Variants in CDH9 observed in about 807,000 individuals in gnomAD.
CDH9 encodes the protein cadherin 9.
A neutral mutation model predicts 70.9 loss-of-function variants in CDH9; 28 were observed. That is an observed-to-expected ratio of 0.40 (90% CI 0.29 to 0.54). CDH9 has a LOEUF of 0.54. Among genes scored for constraint, CDH9 ranks in the 20% least tolerant of loss-of-function variants. CDH9 has a pLI of 0.59. For synonymous variants in CDH9, 409 were observed against 343.1 expected, an observed-to-expected ratio of 1.19 and a Z score of -2.12; for missense variants, 874 against 984.4, an observed-to-expected ratio of 0.89 and a Z score of 1.50.
chr5:26,889,933 A>G lies in CDH9; in HGVS notation c.1415T>C (p.Ile472Thr), dbSNP rs779727633. 1 of 1,608,480 alleles carries G rather than the reference A, an allele frequency of 6.2e-7. No homozygotes were observed. Among genetic ancestry groups the G allele is most frequent in the Admixed American group, 1.7e-5 (1 of 59,406 alleles). Reference sequence around the variant, plus strand: ...ATCTAGAATTCTGATGAAGACAGGGATGTGGCTACTTTGTTTTGGGTTATC... The same window carrying G: ...ATCTAGAATTCTGATGAAGACAGGGGTGTGGCTACTTTGTTTTGGGTTATC... ...EINNPKQSSH[I>T]PVFIRILDIN... Residue 472 changes from isoleucine (I) to threonine (T), a missense_variant, in exon 9 of 12, where the codon ATC (isoleucine) becomes ACC (threonine). Physicochemically the swap from Ile to Thr is moderately conservative, Grantham distance 89. Transcript: ENST00000231021.
At chr5:26,946,952 G>T (rs569134632) in intron 2 of CDH9, among the ~76,000 whole-genome samples, 1 of 152,254 alleles carries the variant, frequency 6.6e-6, no homozygotes, top group Admixed American at 6.5e-5. Flanking sequence ...GTGGTGAGAT[G>T]GTGTCAGGGA....
intron 2 of CDH9, among the ~76,000 whole-genome samples, chr5:26,934,321 T>C (rs1034538267): frequency 2.6e-5 from 4 of 152,034 alleles, no homozygotes; most frequent in Non-Finnish European, 5.9e-5. Flanking sequence ...CAAAAATTAA[T>C]CAGGCATTGT....
intron 3 of CDH9, among the ~76,000 whole-genome samples, chr5:26,910,225 A>ATCTG (rs1409823081): frequency 1.5e-4 from 1 of 6,662 alleles, no homozygotes; most frequent in Non-Finnish European, 3.4e-4. Flanking sequence ...TCTATCATCC[A>ATCTG]TCTATCTATC....
At chr5:26,948,993 G>C (rs1454542577) in intron 2 of CDH9, among the ~76,000 whole-genome samples, 1 of 152,118 alleles carries the variant, frequency 6.6e-6, no homozygotes, top group African/African-American at 2.4e-5. Context: ...ATCCACTGGT[G>C]CCAGACTTGC....
intron 1 of CDH9, among the ~76,000 whole-genome samples, chr5:27,000,271 A>G (rs1742741546): frequency 6.6e-6 from 1 of 152,150 alleles, no homozygotes; most frequent in South Asian, 2.1e-4. Flanking sequence ...AAAATGGCCA[A>G]AATTTTTTGC....
chr5:26,967,761 C>T (rs1338047070), intron 2 of CDH9, among the ~76,000 whole-genome samples: 1 of 151,848 alleles, frequency 6.6e-6, no homozygotes, highest in Non-Finnish European at 1.5e-5. Flanking sequence ...AGTATAGTGG[C>T]ACAACCATAG....
At chr5:26,899,827 C>A (rs1740823208) in intron 7 of CDH9, among the ~76,000 whole-genome samples, 1 of 150,978 alleles carries the variant, frequency 6.6e-6, no homozygotes, top group Non-Finnish European at 1.5e-5. Context: ...ATGTAACAAA[C>A]CTGCCGGTTA....
chr5:26,883,676 G>GT (rs945758772), intron 11 of CDH9, among the ~76,000 whole-genome samples: 16 of 151,942 alleles, frequency 1.1e-4, no homozygotes, highest in African/African-American at 3.6e-4. Flanking sequence ...TTTTCTTTGT[G>GT]TTTTTTGTTT....
At chr5:26,982,742 T>G (rs909334925) in intron 2 of CDH9, among the ~76,000 whole-genome samples, 1 of 151,996 alleles carries the variant, frequency 6.6e-6, no homozygotes, top group African/African-American at 2.4e-5. Context: ...AGGCTCGATC[T>G]CGGCTCACTG....
intron 7 of CDH9, 93 bp from the exon 8 acceptor site, chr5:26,890,657 G>T: frequency 3.5e-6 from 3 of 856,442 alleles, no homozygotes; most frequent in South Asian, 1.6e-5. Flanking sequence ...ACAATGATCT[G>T]ACAAAGACAT....
chr5:26,943,836 G>A (rs553492880), intron 2 of CDH9, among the ~76,000 whole-genome samples: 1 of 152,120 alleles, frequency 6.6e-6, no homozygotes. Context: ...AATTACATCA[G>A]TGTTATTTAA....
At chr5:26,924,747 CT>C (rs1741307059) in intron 2 of CDH9, among the ~76,000 whole-genome samples, 1 of 151,976 alleles carries the variant, frequency 6.6e-6, no homozygotes, top group Non-Finnish European at 1.5e-5. Flanking sequence ...GTTCCCCACC[CT>C]GTGTCCAAAT....
chr5:26,902,109 T>C (rs1038562096), intron 7 of CDH9, among the ~76,000 whole-genome samples: 1 of 151,964 alleles, frequency 6.6e-6, no homozygotes, highest in Non-Finnish European at 1.5e-5. Context: ...ATTAAAATCA[T>C]TGACTCTGGC....
intron 1 of CDH9, among the ~76,000 whole-genome samples, chr5:27,035,483 G>T (rs1199779215): frequency 6.6e-6 from 1 of 151,524 alleles, no homozygotes; most frequent in Non-Finnish European, 1.5e-5. Flanking sequence ...TTTAGCATCA[G>T]GTAAAAACAA....
At chr5:27,018,325 CATGTAAAATTAAATATAT>C (rs1447863137) in intron 1 of CDH9, among the ~76,000 whole-genome samples, 4 of 151,532 alleles carry the variant, frequency 2.6e-5, no homozygotes, top group East Asian at 3.9e-4. Context: ...TACACACATA[CATGTAAAATTAAATATAT>C]ATGTAAAATT....
chr5:26,937,253 A>G (rs942882068), intron 2 of CDH9, among the ~76,000 whole-genome samples: 1 of 152,202 alleles, frequency 6.6e-6, no homozygotes, highest in Non-Finnish European at 1.5e-5. Flanking sequence ...CACATGGCAA[A>G]TAAGCATATC....
chr5:26,944,793 C>T (rs984950868), intron 2 of CDH9, among the ~76,000 whole-genome samples: 2 of 151,666 alleles, frequency 1.3e-5, no homozygotes. Context: ...CTTATATTTC[C>T]AAAAATATGC....
chr5:27,034,033 G>C (rs3811937), intron 1 of CDH9, among the ~76,000 whole-genome samples: 1 of 151,498 alleles, frequency 6.6e-6, no homozygotes, highest in African/African-American at 2.4e-5. Flanking sequence ...TACTAAATAT[G>C]AGGAAAAAGC....
intron 2 of CDH9, among the ~76,000 whole-genome samples, chr5:26,936,201 T>C (rs1424293471): frequency 6.6e-6 from 1 of 151,980 alleles, no homozygotes; most frequent in Non-Finnish European, 1.5e-5. Context: ...ACTAAAGAAC[T>C]TATGCTTGTA....
Sources: gnomAD v4.1 joint callset for allele counts (sites outside exome capture counted in the v4.1 genomes callset) on GRCh38, gnomAD v4.1.1 for gene constraint, MANE v1.5 for transcripts, NCBI Gene and HGNC (gene_info 2026-07-23, HGNC 2026-07-21) for gene names.